Variants in GPHN observed in about 807,000 individuals in gnomAD.
The protein encoded by GPHN is gephyrin.
A neutral mutation model predicts 95.5 loss-of-function variants in GPHN; 17 were observed. That is an observed-to-expected ratio of 0.18 (90% confidence interval 0.12 to 0.27). GPHN has a LOEUF of 0.27. GPHN is among the 10% of genes least tolerant of loss of function. The pLI, the probability that GPHN is intolerant of heterozygous loss-of-function variation, is 1.00. For missense variants in GPHN, 660 were observed against 978.1 expected (o/e 0.67, Z 4.34); for synonymous variants, 320 against 322.5 (o/e 0.99, Z 0.08).
At chr14:66,934,639 A>G (rs910254506) in intron 8 of GPHN, among the ~76,000 whole-genome samples, 2 of 152,244 alleles carry the variant, frequency 1.3e-5, no homozygotes, top group Non-Finnish European at 2.9e-5. Flanking sequence ...AACATGAATG[A>G]GGAAATATAC....
chr14:66,982,240 T>A (rs2070727763), intron 9 of GPHN, among the ~76,000 whole-genome samples: 1 of 152,140 alleles, frequency 6.6e-6, no homozygotes, highest in African/African-American at 2.4e-5. Context: ...AGAAATCGTT[T>A]TCAGTGAGCT....
the GPHN span, among the ~76,000 whole-genome samples, chr14:67,546,780 C>T: frequency 5.9e-5 from 9 of 152,148 alleles, no homozygotes; most frequent in Non-Finnish European, 1.3e-4. Context: ...GTAGGAGGAT[C>T]GCTTGAGCCA....
chr14:67,666,619 T>C, the GPHN span, among the ~76,000 whole-genome samples: 1 of 152,166 alleles, frequency 6.6e-6, no homozygotes, highest in African/African-American at 2.4e-5. Flanking sequence ...TTTTTAAAAA[T>C]TCTTTAGGCT....
At chr14:66,829,730 G>A (rs1233413796) in intron 4 of GPHN, among the ~76,000 whole-genome samples, 1 of 152,100 alleles carries the variant, frequency 6.6e-6, no homozygotes, top group Non-Finnish European at 1.5e-5. Flanking sequence ...TAAAAGCCTA[G>A]CATACCTGTA....
the GPHN span, among the ~76,000 whole-genome samples, chr14:67,482,512 C>A: frequency 6.6e-6 from 1 of 152,212 alleles, no homozygotes; most frequent in Non-Finnish European, 1.5e-5. Context: ...TCCCAAGCTT[C>A]ACTCCCCATC....
Position 66,705,228 on chromosome 14 carries a change from C to G in GPHN, c.143+24043C>G, listed in dbSNP as rs1381997150. On this transcript the variant is annotated intron_variant, in intron 2 of 22. Coordinates refer to ENST00000478722, the MANE Select transcript of GPHN (RefSeq NM_020806.5). Reference sequence around the variant, plus strand: ...CAGATGAATTCACAGTGGAATTCTACCAGAAGTACAAAGAGGAGATGGTAC... The same window carrying G: ...CAGATGAATTCACAGTGGAATTCTAGCAGAAGTACAAAGAGGAGATGGTAC... Among the ~76,000 whole-genome samples the G allele has an allele frequency of 2.0e-5, 3 of 152,316 alleles. No homozygotes were observed. In the East Asian group the frequency reaches 5.8e-4, roughly 29 times the overall value.
the GPHN span, among the ~76,000 whole-genome samples, chr14:67,295,857 GGTATATAGCCAAGA>G: frequency 1.3e-5 from 2 of 152,086 alleles, no homozygotes; most frequent in African/African-American, 4.8e-5. Context: ...TTCACTTGTA[GGTATATAGCCAAGA>G]GAAATGAAAA....
chr14:66,970,716 A>G (rs2069699578), intron 9 of GPHN, among the ~76,000 whole-genome samples: 2 of 152,328 alleles, frequency 1.3e-5, no homozygotes, highest in Middle Eastern at 3.4e-3. Flanking sequence ...TGCTGAAATT[A>G]TATCAACATT....
intron 10 of GPHN, among the ~76,000 whole-genome samples, chr14:67,041,263 AAGGTGCACTTTTTTTACAT>A (rs1381128199): frequency 2.6e-5 from 4 of 151,666 alleles, no homozygotes; most frequent in Non-Finnish European, 2.9e-5. Context: ...ACATGTGTAG[AAGGTGCACTTTTTTTACAT>A]AGGTATACAC....
At chr14:67,562,773 A>G in the GPHN span, 11 of 1,613,780 alleles carry the variant, frequency 6.8e-6, no homozygotes, top group Non-Finnish European at 8.5e-6. Flanking sequence ...GAGATGGAGG[A>G]GCCACCCCCA....
At chr14:67,638,904 T>C in the GPHN span, among the ~76,000 whole-genome samples, 1 of 152,232 alleles carries the variant, frequency 6.6e-6, no homozygotes, top group African/African-American at 2.4e-5. Context: ...CTTTTGCCCA[T>C]ATTAAGGCAT....
At chr14:67,133,650 C>A (rs1399807027) in intron 17 of GPHN, among the ~76,000 whole-genome samples, 1 of 152,136 alleles carries the variant, frequency 6.6e-6, no homozygotes, top group Non-Finnish European at 1.5e-5. Context: ...ATACAGTGTT[C>A]AAAAGATGTC....
intron 2 of GPHN, among the ~76,000 whole-genome samples, chr14:66,765,300 A>T (rs2058922838): frequency 6.6e-6 from 1 of 152,216 alleles, no homozygotes; most frequent in Non-Finnish European, 1.5e-5. Flanking sequence ...TTGACCCAGC[A>T]ATTCCATTAT....
At chr14:66,647,843 T>G (rs962788593) in intron 1 of GPHN, among the ~76,000 whole-genome samples, 16 of 152,188 alleles carry the variant, frequency 1.1e-4, no homozygotes, top group Non-Finnish European at 1.8e-4. Flanking sequence ...TGGAAAATGT[T>G]TTAAAAATAT....
At chr14:67,357,853 C>T in the GPHN span, among the ~76,000 whole-genome samples, 105 of 152,288 alleles carry the variant, frequency 6.9e-4, no homozygotes, top group Non-Finnish European at 1.1e-3. Flanking sequence ...ACTATTCTAT[C>T]CTCTCACACA....
At chr14:67,359,631 A>G in the GPHN span, 4 of 1,613,708 alleles carry the variant, frequency 2.5e-6, no homozygotes, top group South Asian at 4.4e-5. Context: ...AACCTGTGAA[A>G]GCGGCTTATC....
rs1388639398 is a variant in GPHN at position 66,626,721 on chromosome 14, A to G, written c.65-54386A>G. Among the ~76,000 whole-genome samples, 5 of 152,050 alleles carry G rather than the reference A, an allele frequency of 3.3e-5. No homozygotes were observed. The East Asian group carries it at 9.6e-4, about 29-fold the overall frequency. ...GCCTTTCTATGAATGCCATACCATA[A>G]GATTTTTCAGGATATTTTTGTAGTT... is the stretch of plus-strand genomic sequence containing the variant. On this transcript the variant is annotated intron_variant, in intron 1 of 22. Coordinates refer to ENST00000478722, the MANE Select transcript of GPHN (RefSeq NM_020806.5).
At position 67,045,725 on chromosome 14, in the gene GPHN, GTCTC is replaced by G. The variant is rs1005154755; in HGVS notation, c.1007-12914_1007-12911del. Among the ~76,000 whole-genome samples the G allele has an allele frequency of 2.8e-4, 40 of 144,304 alleles. 1 individual carries two copies. Among genetic ancestry groups the G allele is most frequent in the South Asian group, 2.0e-3 (9 of 4,430 alleles). 94.7% of individuals were successfully genotyped at this position (144,304 alleles called of 152,430 possible). ...TGTCTCTGTCTCTCTCTCTCTGTCT[GTCTC>G]TCTCTCTCTGTCCATCTCTCTGTCT... On this transcript the variant is annotated intron_variant, in intron 10 of 22. Coordinates refer to ENST00000478722, the MANE Select transcript of GPHN (RefSeq NM_020806.5).
Position 66,869,513 on chromosome 14 carries a change from C to A in GPHN, c.295-10426C>A, listed in dbSNP as rs74784371. 5.6e-4 allele frequency among the ~76,000 whole-genome samples: 85 copies of A among 152,308 alleles called. 1 individual carries two copies. In the East Asian group the frequency reaches 0.015, roughly 27 times the overall value. On this transcript the variant is annotated intron_variant, in intron 4 of 22. Coordinates refer to ENST00000478722, the MANE Select transcript of GPHN (RefSeq NM_020806.5). ...CCCCATCTCATTCGCTGCCTGCTCC[C>A]TAGTTTAGATCCCTAATTTCAGTAT...
Sources: gnomAD v4.1 joint callset for allele counts (sites outside exome capture counted in the v4.1 genomes callset) on GRCh38, gnomAD v4.1.1 for gene constraint, MANE v1.5 for transcripts, NCBI Gene and HGNC (gene_info 2026-07-23, HGNC 2026-07-21) for gene names.